Variants in TMEM150C observed in about 807,000 individuals in gnomAD.
TMEM150C encodes transmembrane protein 150C.
In TMEM150C, 10 loss-of-function variants were observed where a neutral mutation model predicts 29.9. The observed-to-expected ratio is 0.33, with a 90% CI of 0.21 to 0.57. The LOEUF is 0.57. Ranked by LOEUF, TMEM150C falls within the 20% of genes least tolerant of loss-of-function variation. The pLI, the probability that TMEM150C is intolerant of heterozygous loss-of-function variation, is 0.88. For synonymous variants in TMEM150C, 101 were observed against 112.5 expected (o/e 0.90, Z 0.64); for missense variants, 251 against 303.6 (o/e 0.83, Z 1.29).
At chr4:82,539,677 C>T (rs1342923683) in intron 1 of TMEM150C, among the ~76,000 whole-genome samples, 1 of 152,190 alleles carries the variant, frequency 6.6e-6, no homozygotes, top group Non-Finnish European at 1.5e-5. Context: ...TGGTCTTGAT[C>T]TCCTGACCTC....
chr4:82,558,325 T>G (rs2110096027), intron 1 of TMEM150C, among the ~76,000 whole-genome samples: 1 of 152,320 alleles, frequency 6.6e-6, no homozygotes, highest in Non-Finnish European at 1.5e-5. Context: ...GTTATCATAC[T>G]GGACAGATTA....
At chr4:82,496,619 T>C (rs1280011051) in intron 5 of TMEM150C, among the ~76,000 whole-genome samples, 1 of 152,070 alleles carries the variant, frequency 6.6e-6, no homozygotes, top group Non-Finnish European at 1.5e-5. Flanking sequence ...ACACAACAAA[T>C]AAGATGGGAT....
chr4:82,491,057 T>C lies in TMEM150C; in HGVS notation c.364-819A>G. The C allele has an allele frequency of 4.1e-6, 3 of 726,308 alleles. No homozygotes were observed. In the Admixed American group the frequency reaches 5.5e-5, roughly 13 times the overall value. The allele number at this position is 726,308 out of a possible 1,614,324, so 45.0% of individuals were successfully genotyped here. A position where few individuals can be genotyped will look rare whatever the true frequency, so the allele number is the denominator to read the frequency against. ...TCTTCCTGTGGACTAGACGTCCCAG[T>C]CTTGCCTTCCTCTTGATAATGCAGC... On this transcript the variant is annotated intron_variant, in intron 6 of 7. Coordinates refer to ENST00000449862, the MANE Select transcript of TMEM150C (RefSeq NM_001080506.3).
chr4:82,529,373 C>T (rs181939354), intron 1 of TMEM150C, among the ~76,000 whole-genome samples: 11 of 151,874 alleles, frequency 7.2e-5, no homozygotes, highest in Non-Finnish European at 1.6e-4. Flanking sequence ...ACTCCAGCCT[C>T]GACTTCCTGG....
At position 82,503,130 on chromosome 4, in the gene TMEM150C, G is replaced by C. The variant is rs1205655037; in HGVS notation, c.81-18C>G. The C allele has an allele frequency of 3.9e-6, 6 of 1,547,016 alleles. No individual in the cohort carries two copies. In the Admixed American group the frequency reaches 9.0e-5, roughly 23 times the overall value. ...TGAAGTATCTATCAAAAAAGAATAA[G>C]TTTATAGAACAAAGAAATTGGAAAA... On this transcript the variant is annotated intron_variant, in intron 2 of 7. Transcript: ENST00000449862.
At chr4:82,525,753 C>T (rs1724631949) in intron 1 of TMEM150C, among the ~76,000 whole-genome samples, 1 of 152,142 alleles carries the variant, frequency 6.6e-6, no homozygotes, top group South Asian at 2.1e-4. Flanking sequence ...CATATGATCA[C>T]ATGCACACAG....
intron 1 of TMEM150C, among the ~76,000 whole-genome samples, chr4:82,550,292 G>A (rs1725528577): frequency 1.3e-5 from 2 of 152,122 alleles, no homozygotes; most frequent in Non-Finnish European, 2.9e-5. Flanking sequence ...CATGTAAGAC[G>A]TGCCTGCTTC....
At chr4:82,536,012 G>A (rs1724992210) in intron 1 of TMEM150C, among the ~76,000 whole-genome samples, 1 of 151,934 alleles carries the variant, frequency 6.6e-6, no homozygotes, top group Non-Finnish European at 1.5e-5. Flanking sequence ...GTGGGGAGGG[G>A]CAAAAATCAC....
At chr4:82,545,753 A>G (rs1011037308) in intron 1 of TMEM150C, among the ~76,000 whole-genome samples, 1 of 152,108 alleles carries the variant, frequency 6.6e-6, no homozygotes, top group Non-Finnish European at 1.5e-5. Context: ...AACATGGCAA[A>G]ACCCTGTCTC....
intron 1 of TMEM150C, among the ~76,000 whole-genome samples, chr4:82,542,688 G>A (rs922418516): frequency 6.6e-6 from 1 of 152,236 alleles, no homozygotes; most frequent in Non-Finnish European, 1.5e-5. Flanking sequence ...ATAGCAAGTG[G>A]TGGAAGAAGA....
chr4:82,562,168 G>T (rs770165700), upstream of TMEM150C: 11 of 1,281,512 alleles, frequency 8.6e-6, no homozygotes, highest in Non-Finnish European at 1.1e-5. Flanking sequence ...GTCACCCGGG[G>T]CAGGAGCCGG....
chr4:82,523,615 A>G (rs1273135828), intron 1 of TMEM150C, among the ~76,000 whole-genome samples: 2 of 152,186 alleles, frequency 1.3e-5, no homozygotes, highest in African/African-American at 4.8e-5. Flanking sequence ...GAAATGCTTT[A>G]AAAAATGAAA....
intron 1 of TMEM150C, among the ~76,000 whole-genome samples, chr4:82,512,451 C>G (rs1724156898): frequency 6.6e-6 from 1 of 152,204 alleles, no homozygotes; most frequent in African/African-American, 2.4e-5. Flanking sequence ...AAAATCCACT[C>G]TGTCTCCTTC....
intron 1 of TMEM150C, among the ~76,000 whole-genome samples, chr4:82,537,537 C>T (rs1453472262): frequency 6.6e-6 from 1 of 152,160 alleles, no homozygotes; most frequent in East Asian, 1.9e-4. Context: ...CACAAATTCA[C>T]ACTAAGCGTA....
chr4:82,533,233 G>A (rs765806771), intron 1 of TMEM150C, among the ~76,000 whole-genome samples: 89 of 152,164 alleles, frequency 5.8e-4, no homozygotes, highest in Middle Eastern at 3.4e-3. Flanking sequence ...ATAAAGTAAC[G>A]CATTCATTTA....
intron 5 of TMEM150C, among the ~76,000 whole-genome samples, chr4:82,501,270 C>T (rs1215987043): frequency 6.6e-6 from 1 of 152,060 alleles, no homozygotes; most frequent in Non-Finnish European, 1.5e-5. Flanking sequence ...CCTGACTGCC[C>T]AGGACTGGCC....
intron 6 of TMEM150C, chr4:82,495,778 T>C: frequency 2.5e-6 from 1 of 393,604 alleles, no homozygotes; most frequent in East Asian, 5.4e-5. Flanking sequence ...ACCCAGAGCA[T>C]AAGCAGCAAT....
chr4:82,514,802 C>T (rs1302878321), intron 1 of TMEM150C, among the ~76,000 whole-genome samples: 2 of 152,100 alleles, frequency 1.3e-5, no homozygotes, highest in African/African-American at 2.4e-5. Context: ...GACACGATGA[C>T]CGGAAGACAG....
At chr4:82,547,520 C>T (rs758478184) in intron 1 of TMEM150C, among the ~76,000 whole-genome samples, 6 of 151,708 alleles carry the variant, frequency 4.0e-5, no homozygotes, top group Non-Finnish European at 8.8e-5. Flanking sequence ...ACCCAGGAGG[C>T]GGAGGTTGCA....
Sources: gnomAD v4.1 joint callset for allele counts (sites outside exome capture counted in the v4.1 genomes callset) on GRCh38, gnomAD v4.1.1 for gene constraint, MANE v1.5 for transcripts, NCBI Gene and HGNC (gene_info 2026-07-23, HGNC 2026-07-21) for gene names.